Variants in PPP3CA observed in about 807,000 individuals in gnomAD.
PPP3CA encodes CAM-PRP catalytic subunit.
Under a neutral mutation model 66.5 loss-of-function variants are expected in PPP3CA, and 14 were observed. The ratio of observed to expected loss-of-function variants is 0.21; its 90% confidence interval spans 0.14 to 0.33. PPP3CA has a LOEUF of 0.33. Ranked by LOEUF, PPP3CA falls within the 10% of genes least tolerant of loss-of-function variation. The probability of loss-of-function intolerance (pLI) is 1.00; values close to 1 mark genes in which losing one functional copy is unlikely to be tolerated. For missense variants in PPP3CA, 317 were observed against 639.5 expected (o/e 0.50, Z 5.44); for synonymous variants, 232 against 226.2 (o/e 1.03, Z -0.23).
chr4:101,252,320 T>G (rs1279434332), intron 1 of PPP3CA, among the ~76,000 whole-genome samples: 1 of 152,206 alleles, frequency 6.6e-6, no homozygotes, highest in Non-Finnish European at 1.5e-5. Context: ...TTGGTTTGTC[T>G]GACATATGAC....
chr4:101,232,184 C>G (rs935350349), intron 1 of PPP3CA, among the ~76,000 whole-genome samples: 1 of 151,574 alleles, frequency 6.6e-6, no homozygotes, highest in Non-Finnish European at 1.5e-5. Context: ...TGTTTTGGCT[C>G]AGGATACAGA....
chr4:101,050,214 TAGTAA>T (rs1288921839), intron 10 of PPP3CA, among the ~76,000 whole-genome samples: 1 of 152,076 alleles, frequency 6.6e-6, no homozygotes, highest in African/African-American at 2.4e-5. Context: ...AACAGACGCA[TAGTAA>T]AGTAGAGCAG....
rs573486002 is a variant in PPP3CA at position 101,188,692 on chromosome 4, A to T, written c.259+7224T>A. Among the ~76,000 whole-genome samples, 11 of 152,184 alleles carry T rather than the reference A, an allele frequency of 7.2e-5. 1 individual carries two copies. The South Asian group carries it at 1.9e-3, about 26-fold the overall frequency. ...AGGCTTTTCCCTACCTCCTCAACAG[A>T]CTGACTTAGGTATCAAACCATTCCA... On this transcript the variant is annotated intron_variant, in intron 2 of 13. Transcript: ENST00000394854.
chr4:101,302,535 T>TA (rs751904788), intron 1 of PPP3CA, among the ~76,000 whole-genome samples: 2 of 152,158 alleles, frequency 1.3e-5, no homozygotes, highest in Admixed American at 6.5e-5. Flanking sequence ...TTACGGCACT[T>TA]TTCTGTTTTT....
chr4:101,052,478 C>T (rs1185829116), intron 10 of PPP3CA, among the ~76,000 whole-genome samples: 1 of 151,674 alleles, frequency 6.6e-6, no homozygotes, highest in African/African-American at 2.4e-5. Context: ...ATATTCTGTA[C>T]TTTATAAAGG....
chr4:101,273,666 A>T (rs1727402949), intron 1 of PPP3CA, among the ~76,000 whole-genome samples: 1 of 152,300 alleles, frequency 6.6e-6, no homozygotes, highest in South Asian at 2.1e-4. Context: ...ACATTTAAGA[A>T]ACTGAATCCC....
intron 1 of PPP3CA, among the ~76,000 whole-genome samples, chr4:101,236,659 T>G (rs1726141798): frequency 6.6e-6 from 1 of 151,940 alleles, no homozygotes; most frequent in South Asian, 2.1e-4. Flanking sequence ...TTAAAGTTGT[T>G]TATTTGCCTC....
chr4:101,060,678 A>G (rs1728423865), intron 10 of PPP3CA, among the ~76,000 whole-genome samples: 1 of 152,120 alleles, frequency 6.6e-6, no homozygotes, highest in Non-Finnish European at 1.5e-5. Context: ...TTTCATCATA[A>G]ACATCAAAAC....
At chr4:101,291,542 G>A (rs557917590) in intron 1 of PPP3CA, among the ~76,000 whole-genome samples, 12 of 152,198 alleles carry the variant, frequency 7.9e-5, no homozygotes, top group East Asian at 7.7e-4. Context: ...AAGCATTCAC[G>A]AATTAATCCC....
chr4:101,277,624 T>C (rs1727544265), intron 1 of PPP3CA, among the ~76,000 whole-genome samples: 1 of 152,198 alleles, frequency 6.6e-6, no homozygotes, highest in African/African-American at 2.4e-5. Flanking sequence ...AAAATAGCCA[T>C]TATTTCTCTA....
chr4:101,326,956 C>T (rs1020322125), intron 1 of PPP3CA, among the ~76,000 whole-genome samples: 1 of 152,158 alleles, frequency 6.6e-6, no homozygotes, highest in African/African-American at 2.4e-5. Context: ...TATCTATCTG[C>T]CTATTCTGAG....
chr4:101,304,169 T>A (rs1428408882), intron 1 of PPP3CA, among the ~76,000 whole-genome samples: 1 of 152,200 alleles, frequency 6.6e-6, no homozygotes, highest in Non-Finnish European at 1.5e-5. Flanking sequence ...ACCTCTTTCA[T>A]CAGGATATTT....
chr4:101,120,193 A>G (rs1319893073), intron 2 of PPP3CA, among the ~76,000 whole-genome samples: 5 of 152,130 alleles, frequency 3.3e-5, no homozygotes, highest in Non-Finnish European at 7.4e-5. Flanking sequence ...TTATTCAGTT[A>G]AATATCCAAA....
intron 1 of PPP3CA, among the ~76,000 whole-genome samples, chr4:101,280,434 A>G (rs940520106): frequency 6.6e-6 from 1 of 152,198 alleles, no homozygotes; most frequent in Non-Finnish European, 1.5e-5. Flanking sequence ...GAGTGTGGAC[A>G]AGTTAATTTA....
intron 1 of PPP3CA, among the ~76,000 whole-genome samples, chr4:101,340,795 C>A (rs114290995): frequency 0.013 from 1,937 of 152,250 alleles, 47 homozygotes; most frequent in African/African-American, 0.044. Context: ...CCTGAGCCTG[C>A]TCTAGAAATT....
chr4:101,080,030 A>C (rs777229627), intron 8 of PPP3CA, among the ~76,000 whole-genome samples: 1 of 152,278 alleles, frequency 6.6e-6, no homozygotes, highest in African/African-American at 2.4e-5. Flanking sequence ...TTTACCTTGA[A>C]GTTTACTTTT....
chr4:101,298,153 T>C (rs1728253568), intron 1 of PPP3CA, among the ~76,000 whole-genome samples: 1 of 152,082 alleles, frequency 6.6e-6, no homozygotes, highest in South Asian at 2.1e-4. Context: ...AATAAGCTAA[T>C]GGGTCTCATA....
intron 2 of PPP3CA, among the ~76,000 whole-genome samples, chr4:101,134,529 G>A (rs1026092905): frequency 3.3e-5 from 5 of 151,726 alleles, no homozygotes; most frequent in Admixed American, 1.3e-4. Context: ...AAACCACAAT[G>A]TCATCTCACG....
chr4:101,099,791 TATC>T (rs1730360536), intron 3 of PPP3CA, 69 bp from the exon 4 acceptor site: 1 of 797,550 alleles, frequency 1.3e-6, no homozygotes, highest in African/African-American at 1.8e-5. Context: ...ATTGCTCACA[TATC>T]ATAAAGACAT....
Sources: allele counts gnomAD v4.1 joint callset (sites outside exome capture counted in the v4.1 genomes callset), GRCh38; gene constraint gnomAD v4.1.1; transcripts MANE v1.5; gene names NCBI Gene and HGNC (gene_info 2026-07-23, HGNC 2026-07-21).